Variants in ADAM18 observed in about 807,000 individuals in gnomAD.
ADAM18 encodes ADAM metallopeptidase domain 18, also known as disintegrin and metalloproteinase domain-containing protein 18.
ADAM18 carries 117 observed loss-of-function variants against 94.4 expected under a neutral mutation model. The observed-to-expected ratio is 1.24, with a 90% CI of 1.07 to 1.45. ADAM18 has a LOEUF of 1.45. Ranked by LOEUF, ADAM18 falls within the 40% of genes most tolerant of loss-of-function variation. ADAM18 has a pLI of 0.00. For synonymous variants in ADAM18, 327 were observed against 291.6 expected (o/e 1.12, Z -1.24); for missense variants, 936 against 880.0 (o/e 1.06, Z -0.81).
chr8:39,639,454 A>G (rs906970787), intron 10 of ADAM18, among the ~76,000 whole-genome samples: 3 of 151,914 alleles, frequency 2.0e-5, no homozygotes, highest in African/African-American at 7.2e-5. Flanking sequence ...TTTACCACGT[A>G]TTTCTTAAAA....
At chr8:39,682,726 A>G (rs1821501434) in intron 16 of ADAM18, among the ~76,000 whole-genome samples, 1 of 152,120 alleles carries the variant, frequency 6.6e-6, no homozygotes, top group African/African-American at 2.4e-5. Context: ...GGGCCAGATT[A>G]CTCTCTAGTG....
At chr8:39,622,430 A>G (rs1819641617) in intron 6 of ADAM18, among the ~76,000 whole-genome samples, 1 of 151,750 alleles carries the variant, frequency 6.6e-6, no homozygotes, top group Non-Finnish European at 1.5e-5. Flanking sequence ...TAATGAAAAT[A>G]TTAAGATGAT....
chr8:39,694,417 C>T (rs997161090), intron 17 of ADAM18, among the ~76,000 whole-genome samples: 11 of 151,232 alleles, frequency 7.3e-5, no homozygotes, highest in African/African-American at 2.7e-4. Flanking sequence ...ACTTTAATTC[C>T]CAGAATAAAA....
At position 39,602,375 on chromosome 8, in the gene ADAM18, G is replaced by A. The variant is rs569963893; in HGVS notation, c.133-3932G>A. On this transcript the variant is annotated intron_variant, in intron 2 of 19. Coordinates refer to ENST00000265707, the MANE Select transcript of ADAM18 (RefSeq NM_014237.3). ...TGCTTGTTCTTTTGATAGAAGCCAT[G>A]CTATAGAGTTTAAGGTTTTGACTTG... is the stretch of plus-strand genomic sequence containing the variant. Among the ~76,000 whole-genome samples, 6 of 152,210 alleles carry A rather than the reference G, an allele frequency of 3.9e-5. No individual in the cohort carries two copies. In the East Asian group the frequency reaches 1.2e-3, roughly 29 times the overall value.
chr8:39,639,910 C>T (rs1176162937), intron 10 of ADAM18, among the ~76,000 whole-genome samples: 1 of 151,950 alleles, frequency 6.6e-6, no homozygotes, highest in Non-Finnish European at 1.5e-5. Flanking sequence ...ATGTGTATCC[C>T]TCTTTCATAT....
At chr8:39,728,951 A>G (rs1292342298) in intron 19 of ADAM18, among the ~76,000 whole-genome samples, 3 of 152,224 alleles carry the variant, frequency 2.0e-5, no homozygotes, top group Non-Finnish European at 4.4e-5. Flanking sequence ...TGTGTTCCAC[A>G]GTAGTTTTAC....
At chr8:39,586,875 A>G (rs978676213) in intron 2 of ADAM18, among the ~76,000 whole-genome samples, 3 of 152,028 alleles carry the variant, frequency 2.0e-5, no homozygotes, top group Non-Finnish European at 4.4e-5. Flanking sequence ...TTGCATAATC[A>G]CTGTAAACTT....
At chr8:39,702,521 CA>C (rs1822112493) in intron 17 of ADAM18, among the ~76,000 whole-genome samples, 1 of 152,102 alleles carries the variant, frequency 6.6e-6, no homozygotes, top group African/African-American at 2.4e-5. Flanking sequence ...GCTTTTGTTT[CA>C]ATTGCTTTTG....
chr8:39,664,453 C>A (rs957859831), intron 13 of ADAM18, among the ~76,000 whole-genome samples: 6 of 152,022 alleles, frequency 3.9e-5, no homozygotes, highest in Admixed American at 3.3e-4. Flanking sequence ...TTCCTGGAAC[C>A]AAATGCCCAT....
At chr8:39,625,137 T>C (rs1380699045) in intron 6 of ADAM18, among the ~76,000 whole-genome samples, 1 of 152,240 alleles carries the variant, frequency 6.6e-6, no homozygotes, top group Admixed American at 6.5e-5. Flanking sequence ...TTCGGCAGTA[T>C]GGTAATTTTC....
At chr8:39,683,299 G>A (rs775991708) in intron 16 of ADAM18, among the ~76,000 whole-genome samples, 1 of 152,196 alleles carries the variant, frequency 6.6e-6, no homozygotes, top group Non-Finnish European at 1.5e-5. Flanking sequence ...AAAACCTTCA[G>A]ATGAAATTGG....
intron 6 of ADAM18, among the ~76,000 whole-genome samples, chr8:39,627,193 A>G (rs1819796033): frequency 6.6e-6 from 1 of 152,138 alleles, no homozygotes; most frequent in Non-Finnish European, 1.5e-5. Context: ...GTAATTTGTA[A>G]AGTAAAAAGG....
In ADAM18 at chr8:39,622,436, A is replaced by G. The variant is rs1238106975; in HGVS notation, c.523-6938A>G. ...TAGGCAATGTAATGAAAATATTAAG[A>G]TGATATTGAAAAATATATTGCTCTA... On this transcript the variant is annotated intron_variant, in intron 6 of 19. Transcript: ENST00000265707. 4.5e-4 allele frequency among the ~76,000 whole-genome samples: 69 copies of G among 151,792 alleles called. 1 individual carries two copies. Among genetic ancestry groups the G allele is most frequent in the Admixed American group, 4.5e-3 (69 of 15,236 alleles).
intron 13 of ADAM18, among the ~76,000 whole-genome samples, chr8:39,664,695 T>G (rs2129580123): frequency 6.6e-6 from 1 of 152,284 alleles, no homozygotes; most frequent in African/African-American, 2.4e-5. Context: ...CATTGATAAC[T>G]GAAATGCAAA....
At position 39,704,780 on chromosome 8, in the gene ADAM18, T is replaced by A. The variant is rs1822193203; in HGVS notation, c.1903-2010T>A. Among the ~76,000 whole-genome samples the A allele has an allele frequency of 3.9e-5, 6 of 152,130 alleles. No individual in the cohort carries two copies. The South Asian group carries it at 1.0e-3, about 26-fold the overall frequency. Reference sequence around the variant, plus strand: ...CTAACATTTGTGGTTTTTGGGAAATTTTGGACTTGAAGTTCCTGATATTAT... The same window carrying A: ...CTAACATTTGTGGTTTTTGGGAAATATTGGACTTGAAGTTCCTGATATTAT... On this transcript the variant is annotated intron_variant, in intron 17 of 19. Coordinates refer to ENST00000265707, the MANE Select transcript of ADAM18 (RefSeq NM_014237.3).
At chr8:39,631,515 G>T (rs1331448378) in intron 7 of ADAM18, among the ~76,000 whole-genome samples, 1 of 151,888 alleles carries the variant, frequency 6.6e-6, no homozygotes, top group South Asian at 2.1e-4. Context: ...CTATTCCTTA[G>T]GTTGCTGTTC....
Position 39,584,679 on chromosome 8 carries a change from T to A in ADAM18, c.55+2T>A. The A allele has an allele frequency of 6.2e-7, 1 of 1,613,006 alleles. No homozygotes were observed. ...TTGGAAGACTGCAAGCCCACGAAGG[T>A]AAGTCCATGGGAGCCTCCCCTTTCT... On this transcript the variant is annotated splice_donor_variant, in intron 1 of 19. Coordinates refer to ENST00000265707, the MANE Select transcript of ADAM18 (RefSeq NM_014237.3). LOFTEE classifies it high-confidence loss of function.
At chr8:39,640,990 A>G (rs973284925) in intron 10 of ADAM18, among the ~76,000 whole-genome samples, 5 of 151,612 alleles carry the variant, frequency 3.3e-5, no homozygotes, top group Non-Finnish European at 7.4e-5. Context: ...TCTGTTGATC[A>G]TTTATTTTGT....
At chr8:39,585,589 T>TGA (rs1186302865) in intron 2 of ADAM18, among the ~76,000 whole-genome samples, 2 of 152,156 alleles carry the variant, frequency 1.3e-5, no homozygotes, top group African/African-American at 2.4e-5. Context: ...TTCCAAGAAA[T>TGA]GCTCAGCAAT....
Sources: allele counts gnomAD v4.1 joint callset (sites outside exome capture counted in the v4.1 genomes callset), GRCh38; gene constraint gnomAD v4.1.1; transcripts MANE v1.5; gene names NCBI Gene and HGNC (gene_info 2026-07-23, HGNC 2026-07-21).